The following STK32B variants were observed in gnomAD, a reference collection of about 807,000 sequenced individuals.
The protein encoded by STK32B is serine/threonine-protein kinase 32B.
STK32B carries 43 observed loss-of-function variants against 52.6 expected under a neutral mutation model. The observed-to-expected ratio is 0.82, with a 90% CI of 0.64 to 1.05. The LOEUF (loss-of-function observed/expected upper bound fraction) is 1.05, where lower values mean the gene tolerates loss of function less well. Ranked by LOEUF, STK32B falls within the 50% of genes least tolerant of loss-of-function variation. STK32B has a pLI of 0.00. For synonymous variants in STK32B, 238 were observed against 204.3 expected (o/e 1.17, Z -1.41); for missense variants, 621 against 534.6 (o/e 1.16, Z -1.59).
intron 3 of STK32B, among the ~76,000 whole-genome samples, chr4:5,315,870 A>G (rs1444906172): frequency 6.6e-6 from 1 of 150,670 alleles, no homozygotes; most frequent in Non-Finnish European, 1.5e-5. Context: ...ACGCCCAGCT[A>G]ATTTTTGTAT....
rs1291177096 is a variant in STK32B, at chr4:5,206,265, C to G, written c.260+37815C>G. On this transcript the variant is annotated intron_variant, in intron 3 of 11. Coordinates refer to ENST00000282908, the MANE Select transcript of STK32B (RefSeq NM_018401.3). ...CTTAGGATAATTAATCAGAATCTTC[C>G]TTTTCACTCCTGATTCCCCTCCACA... Among the ~76,000 whole-genome samples the G allele has an allele frequency of 5.3e-5, 8 of 152,280 alleles. No individual in the cohort carries two copies. In the East Asian group the frequency reaches 1.5e-3, roughly 29 times the overall value.
chr4:5,479,438 G>C (rs1718512429), intron 11 of STK32B, among the ~76,000 whole-genome samples: 1 of 152,142 alleles, frequency 6.6e-6, no homozygotes, highest in Admixed American at 6.6e-5. Context: ...GGAATTCTAA[G>C]AATTGGAGGA....
chr4:5,083,851 G>A (rs935415230), intron 1 of STK32B, among the ~76,000 whole-genome samples: 8 of 151,666 alleles, frequency 5.3e-5, no homozygotes, highest in African/African-American at 9.7e-5. Context: ...ATTGTGCTGC[G>A]TTGGCCTCCC....
intron 1 of STK32B, among the ~76,000 whole-genome samples, chr4:5,096,093 T>C (rs997394239): frequency 2.6e-5 from 4 of 152,228 alleles, no homozygotes; most frequent in Non-Finnish European, 5.9e-5. Context: ...AATGAGCATA[T>C]GCTATAATAC....
At chr4:5,338,227 A>G (rs1257738936) in intron 4 of STK32B, among the ~76,000 whole-genome samples, 1 of 152,244 alleles carries the variant, frequency 6.6e-6, no homozygotes, top group African/African-American at 2.4e-5. Flanking sequence ...TTTGATACAA[A>G]TAACAGAAAC....
intron 3 of STK32B, among the ~76,000 whole-genome samples, chr4:5,307,537 A>G (rs1461334822): frequency 7.1e-6 from 1 of 140,002 alleles, no homozygotes; most frequent in Non-Finnish European, 1.5e-5. Context: ...TTTTCCATTC[A>G]TATGCTCTAT....
intron 1 of STK32B, among the ~76,000 whole-genome samples, chr4:5,104,278 ACT>A (rs973958239): frequency 2.6e-5 from 4 of 151,442 alleles, no homozygotes; most frequent in Admixed American, 2.6e-4. Context: ...CCCTGAGCAA[ACT>A]CTCTTGTCTG....
At chr4:5,433,963 G>A (rs760071774) in intron 6 of STK32B, among the ~76,000 whole-genome samples, 1 of 152,160 alleles carries the variant, frequency 6.6e-6, no homozygotes, top group South Asian at 2.1e-4. Flanking sequence ...TGGAAGGCCC[G>A]TTATATGATG....
At chr4:5,111,236 A>G (rs1436659300) in intron 1 of STK32B, among the ~76,000 whole-genome samples, 2 of 152,218 alleles carry the variant, frequency 1.3e-5, no homozygotes, top group African/African-American at 2.4e-5. Flanking sequence ...GAGAATGACC[A>G]TTTGACTCAA....
chr4:5,095,106 A>G (rs1036686273), intron 1 of STK32B, among the ~76,000 whole-genome samples: 14 of 152,266 alleles, frequency 9.2e-5, no homozygotes, highest in African/African-American at 3.4e-4. Flanking sequence ...GAGCAGCTAC[A>G]GCTCTGACTG....
intron 3 of STK32B, among the ~76,000 whole-genome samples, chr4:5,311,416 T>C (rs6845488): frequency 0.21 from 32,281 of 151,744 alleles, 6,548 homozygotes; most frequent in African/African-American, 0.54. Context: ...CAAGGCAAGC[T>C]GAAAGAATGA....
chr4:5,355,254 A>T (rs1283642389), intron 4 of STK32B, among the ~76,000 whole-genome samples: 4 of 152,200 alleles, frequency 2.6e-5, no homozygotes, highest in Admixed American at 6.5e-5. Context: ...CACTGTGAAA[A>T]TGCCCACTGC....
In STK32B at chr4:5,400,115, G is replaced by GAC. The variant is rs1261794586; in HGVS notation, c.472+1875_472+1876dup. On this transcript the variant is annotated intron_variant, in intron 5 of 11. Coordinates refer to ENST00000282908, the MANE Select transcript of STK32B (RefSeq NM_018401.3). This position sits in a 1 kb window ranked among gnomAD's most constrained non-coding sequence, Gnocchi z 6.1. ...AGCCATTGCACTGATGAGGAAAAGTGACACAGAGAGTATGGGGGTAACCCA... is the reference window on the plus strand; with the variant it reads ...AGCCATTGCACTGATGAGGAAAAGTGACACACAGAGAGTATGGGGGTAACCCA... Among the ~76,000 whole-genome samples the GAC allele has an allele frequency of 2.6e-5, 4 of 152,152 alleles. No individual in the cohort carries two copies. The highest frequency in any genetic ancestry group is 9.7e-5 in the African/African-American group (4 of 41,404).
At chr4:5,489,349 C>G (rs963887095) in intron 11 of STK32B, among the ~76,000 whole-genome samples, 94 of 151,990 alleles carry the variant, frequency 6.2e-4, no homozygotes, top group African/African-American at 2.1e-3. Context: ...AAGCAAGAAC[C>G]CTAAAGTTAA....
At position 5,250,864 on chromosome 4, in the gene STK32B, T is replaced by A. The variant is rs565044569; in HGVS notation, c.261-80356T>A. On this transcript the variant is annotated intron_variant, in intron 3 of 11. Coordinates refer to ENST00000282908, the MANE Select transcript of STK32B (RefSeq NM_018401.3). ...GCTTGTTGGTCGTGTGTATGTCTTT[T>A]GAAAAGTGTCTGTTCATTTCCTTTG... is the stretch of plus-strand genomic sequence containing the variant. Among the ~76,000 whole-genome samples, 3 of 152,360 alleles carry A rather than the reference T, an allele frequency of 2.0e-5. No homozygotes were observed. In the East Asian group the frequency reaches 5.8e-4, roughly 29 times the overall value.
Position 5,090,470 on chromosome 4 carries a change from G to A in STK32B, c.52+38555G>A, listed in dbSNP as rs1192448869. Among the ~76,000 whole-genome samples the A allele has an allele frequency of 2.7e-5, 4 of 147,260 alleles. No homozygotes were observed. In the East Asian group the frequency reaches 8.1e-4, roughly 30 times the overall value. On this transcript the variant is annotated intron_variant, in intron 1 of 11. Transcript: ENST00000282908. The stretch of plus-strand genomic sequence containing the variant: ...GGCTCACTGCAAACTCTGCCTCCCA[G>A]GTTCACGCCGTTCTCCTGCCTCAGC...
chr4:5,041,127 C>T, the STK32B span, among the ~76,000 whole-genome samples: 4 of 152,214 alleles, frequency 2.6e-5, no homozygotes, highest in South Asian at 2.1e-4. Context: ...TTGATAGAAA[C>T]GATTCTTTAC....
In STK32B at chr4:5,486,055, G is replaced by GTGGGTCCTCCTCAATGGAGA. The variant is rs540655932; in HGVS notation, c.1107-12889_1107-12888insGGGTCCTCCTCAATGGAGAT. ...GATCAGGGACCCACTTGAGGAGGCA[G>GTGGGTCCTCCTCAATGGAGA]TCTGTCCGTTCTCAGATCTCCAGCT... On this transcript the variant is annotated intron_variant, in intron 11 of 11. Transcript: ENST00000282908. 2.6e-4 allele frequency among the ~76,000 whole-genome samples: 39 copies of GTGGGTCCTCCTCAATGGAGA among 152,324 alleles called. No individual in the cohort carries two copies. The South Asian group carries it at 7.3e-3, about 28-fold the overall frequency.
chr4:5,327,313 A>G (rs4689211), intron 3 of STK32B, among the ~76,000 whole-genome samples: 13,340 of 150,038 alleles, frequency 0.089, 1,275 homozygotes, highest in African/African-American at 0.22. Context: ...CTTAATGACA[A>G]TCTAGTATGG....
Sources: gnomAD v4.1 joint callset for allele counts (sites outside exome capture counted in the v4.1 genomes callset) on GRCh38, gnomAD v4.1.1 for gene constraint, Gnocchi (gnomAD v3.1) non-coding constraint, MANE v1.5 for transcripts, NCBI Gene and HGNC (gene_info 2026-07-23, HGNC 2026-07-21) for gene names.